FSTL4: variants seen among roughly 807,000 people sequenced by gnomAD.
FSTL4 encodes the protein follistatin-related protein 4.
Under a neutral mutation model 78.2 loss-of-function variants are expected in FSTL4, and 28 were observed. The observed-to-expected ratio is 0.36, with a 90% confidence interval of 0.27 to 0.49. The LOEUF is 0.49. Ranked by LOEUF, FSTL4 falls within the 20% of genes least tolerant of loss-of-function variation. The pLI is 0.98. For synonymous variants in FSTL4, 422 were observed against 440.5 expected (o/e 0.96, Z 0.53); for missense variants, 922 against 1,084.9 (o/e 0.85, Z 2.11).
chr5:133,798,281 G>A, the FSTL4 span, among the ~76,000 whole-genome samples: 3,519 of 152,246 alleles, frequency 0.023, 144 homozygotes, highest in African/African-American at 0.079. Context: ...CTAGAGGTTT[G>A]GAATGTTATA....
chr5:133,366,696 A>C (rs942104569), intron 4 of FSTL4, among the ~76,000 whole-genome samples: 1 of 151,862 alleles, frequency 6.6e-6, no homozygotes, highest in Non-Finnish European at 1.5e-5. Flanking sequence ...CAGCACTCAG[A>C]ATCTGAACTC....
chr5:133,474,285 G>A (rs1028131572), intron 3 of FSTL4, among the ~76,000 whole-genome samples: 44 of 152,044 alleles, frequency 2.9e-4, no homozygotes, highest in African/African-American at 8.2e-4. Context: ...CGTCCTCCAC[G>A]CATGCTGCCC....
At chr5:133,385,955 G>T (rs1489014180) in intron 4 of FSTL4, among the ~76,000 whole-genome samples, 2 of 152,066 alleles carry the variant, frequency 1.3e-5, no homozygotes, top group Admixed American at 1.3e-4. Context: ...AATTATACAT[G>T]TAAGAGATGT....
chr5:133,238,094 G>T (rs1374319347), intron 7 of FSTL4, among the ~76,000 whole-genome samples: 1 of 152,174 alleles, frequency 6.6e-6, no homozygotes, highest in Non-Finnish European at 1.5e-5. Context: ...GCAGAGATGA[G>T]ATGGGGGATG....
chr5:133,665,521 ACG>A, the FSTL4 span, among the ~76,000 whole-genome samples: 1 of 152,190 alleles, frequency 6.6e-6, no homozygotes, highest in Non-Finnish European at 1.5e-5. Context: ...TGCCTCTGCC[ACG>A]GTGCTTGCCC....
chr5:133,790,108 A>T, the FSTL4 span, among the ~76,000 whole-genome samples: 4 of 152,156 alleles, frequency 2.6e-5, no homozygotes, highest in Admixed American at 2.6e-4. Flanking sequence ...AAGAGCCTCC[A>T]GTTCCCAAGC....
chr5:133,558,487 T>C (rs1759842212), intron 3 of FSTL4, among the ~76,000 whole-genome samples: 1 of 152,080 alleles, frequency 6.6e-6, no homozygotes, highest in African/African-American at 2.4e-5. Context: ...CTCCCCACTA[T>C]TGGCTGCACT....
intron 3 of FSTL4, among the ~76,000 whole-genome samples, chr5:133,454,873 C>T (rs1159734470): frequency 3.9e-5 from 6 of 152,214 alleles, no homozygotes; most frequent in Non-Finnish European, 7.3e-5. Flanking sequence ...GCTCCTAAAG[C>T]ATTCTCTCCT....
chr5:133,246,893 T>A (rs896221740), intron 7 of FSTL4: 1 of 152,242 alleles, frequency 6.6e-6, no homozygotes, highest in Non-Finnish European at 1.5e-5. Flanking sequence ...ATTTAGTCCT[T>A]ACTGGAACCC....
chr5:133,283,602 G>C (rs1199911256), intron 6 of FSTL4, among the ~76,000 whole-genome samples: 1 of 152,180 alleles, frequency 6.6e-6, no homozygotes, highest in East Asian at 1.9e-4. Flanking sequence ...TTCTAGTGCT[G>C]CTTGGGGTAG....
intron 3 of FSTL4, among the ~76,000 whole-genome samples, chr5:133,412,613 C>T (rs1043022175): frequency 6.6e-5 from 10 of 152,266 alleles, no homozygotes; most frequent in African/African-American, 1.4e-4. Flanking sequence ...GTACAACAAA[C>T]GGATGAATCC....
chr5:133,644,937 T>A, the FSTL4 span, among the ~76,000 whole-genome samples: 1 of 152,228 alleles, frequency 6.6e-6, no homozygotes, highest in Admixed American at 6.5e-5. Context: ...TCAGTGACTA[T>A]AGCTCCCGAC....
At chr5:133,539,334 G>A (rs896103223) in intron 3 of FSTL4, among the ~76,000 whole-genome samples, 1 of 152,048 alleles carries the variant, frequency 6.6e-6, no homozygotes, top group Non-Finnish European at 1.5e-5. Flanking sequence ...TAGTGCAGCA[G>A]CACAAAATCC....
chr5:133,382,890 G>A (rs1426820648), intron 4 of FSTL4, among the ~76,000 whole-genome samples: 1 of 152,128 alleles, frequency 6.6e-6, no homozygotes, highest in African/African-American at 2.4e-5. Context: ...GAGAAGATGA[G>A]GAGGAGTACA....
the FSTL4 span, among the ~76,000 whole-genome samples, chr5:133,810,033 G>A: frequency 1.3e-5 from 2 of 152,238 alleles, no homozygotes; most frequent in African/African-American, 2.4e-5. Flanking sequence ...ACTGATAGGC[G>A]GGACAGGTGC....
chr5:133,213,885 A>AAG (rs1461073236), intron 13 of FSTL4, among the ~76,000 whole-genome samples: 1 of 152,216 alleles, frequency 6.6e-6, no homozygotes, highest in African/African-American at 2.4e-5. Context: ...ATGACATAGA[A>AAG]AGGTTGAAAG....
At chr5:133,583,303 G>A (rs256266) in intron 2 of FSTL4, 119,531 of 306,582 alleles carry the variant, frequency 0.39, 32,927 homozygotes, top group East Asian at 0.6. Context: ...GAGCCAAGAT[G>A]GCCGAATAGG....
At chr5:133,469,360 T>C (rs965980447) in intron 3 of FSTL4, among the ~76,000 whole-genome samples, 1 of 152,106 alleles carries the variant, frequency 6.6e-6, no homozygotes, top group African/African-American at 2.4e-5. Context: ...AAGAGAACAG[T>C]CCAAGAGCTC....
chr5:133,482,770 G>C (rs1758055377), intron 3 of FSTL4, among the ~76,000 whole-genome samples: 1 of 152,182 alleles, frequency 6.6e-6, no homozygotes, highest in Non-Finnish European at 1.5e-5. Context: ...GGGGCTCTGA[G>C]ATCCCTCAGC....
Sources: gnomAD v4.1 joint callset for allele counts (sites outside exome capture counted in the v4.1 genomes callset) on GRCh38, gnomAD v4.1.1 for gene constraint, MANE v1.5 for transcripts, NCBI Gene and HGNC (gene_info 2026-07-23, HGNC 2026-07-21) for gene names.